Variants in TMEM52B observed in about 807,000 individuals in gnomAD.
TMEM52B encodes the protein chromosome 12 open reading frame 59.
In TMEM52B, 11 loss-of-function variants were observed where a neutral mutation model predicts 16.1. The ratio of observed to expected loss-of-function variants is 0.68; its 90% CI spans 0.43 to 1.13. The LOEUF (loss-of-function observed/expected upper bound fraction) is 1.13, where lower values mean the gene tolerates loss of function less well. Ranked by LOEUF, TMEM52B falls within the 50% of genes most tolerant of loss-of-function variation. The probability of loss-of-function intolerance (pLI) is 0.00; values close to 1 mark genes in which losing one functional copy is unlikely to be tolerated. For missense variants in TMEM52B, 243 were observed against 230.4 expected (o/e 1.05, Z -0.35); for synonymous variants, 101 against 93.8 (o/e 1.08, Z -0.45).
intron 4 of TMEM52B, among the ~76,000 whole-genome samples, chr12:10,187,445 C>T (rs1948894224): frequency 6.6e-6 from 1 of 151,734 alleles, no homozygotes. Context: ...CCTCTGTTGC[C>T]CAGGCTGGAG....
intron 1 of TMEM52B, chr12:10,182,297 T>A (rs1220824148): frequency 2.1e-5 from 21 of 985,146 alleles, no homozygotes; most frequent in Non-Finnish European, 2.5e-5. Flanking sequence ...TACCTCTCAT[T>A]CACAAAGGGT....
At chr12:10,186,675 G>A (rs1565428109) in intron 4 of TMEM52B, 86 bp downstream of exon 4, 15 of 1,308,248 alleles carry the variant, frequency 1.1e-5, no homozygotes, top group African/African-American at 4.4e-5. Context: ...ACCACTGATC[G>A]AGTAATATTA....
chr12:10,171,980 C>G (rs759750426), intron 1 of TMEM52B: 1 of 1,578,046 alleles, frequency 6.3e-7, no homozygotes, highest in Admixed American at 1.7e-5. Flanking sequence ...TTTCCCTGTA[C>G]ACATTTTCCC....
At chr12:10,189,781 T>C in intron 4 of TMEM52B, 115 bp from the exon 5 acceptor site, 1 of 1,416,202 alleles carries the variant, frequency 7.1e-7, no homozygotes, top group South Asian at 1.4e-5. Context: ...GGAGTGACAA[T>C]GAGTTTGGAT....
chr12:10,177,780 A>AATG (rs1338796469), upstream of TMEM52B, among the ~76,000 whole-genome samples: 3 of 72,030 alleles, frequency 4.2e-5, no homozygotes, highest in Non-Finnish European at 7.8e-5. Context: ...TAATAATAAT[A>AATG]ATAATAATAA....
At chr12:10,177,139 G>C (rs1372416472), upstream of TMEM52B, among the ~76,000 whole-genome samples, 1 of 152,078 alleles carries the variant, frequency 6.6e-6, no homozygotes, top group African/African-American at 2.4e-5. Flanking sequence ...TTAGTGGAAG[G>C]CCACCTAAAG....
chr12:10,179,602 G>T lies in TMEM52B; in HGVS notation c.28G>T (p.Ala10Ser). 6.2e-7 allele frequency: 1 copy of T among 1,614,190 alleles called. No homozygotes were observed. The highest frequency in any genetic ancestry group is 8.5e-7 in the Non-Finnish European group (1 of 1,180,024). The change falls in exon 1 of 5, where the codon GCC becomes TCC. Residue 10 changes from alanine (A) to serine (S), a missense_variant. Physicochemically the swap from Ala to Ser is moderately conservative, Grantham distance 99. Coordinates refer to ENST00000543484, the MANE Select transcript of TMEM52B (RefSeq NM_001384896.1). Reference sequence around the variant, plus strand: ...GGGAGTCCGAGTTCATGTCGTGGCGGCCTCAGCCCTGCTGTATTTCATCCT... The same window carrying T: ...GGGAGTCCGAGTTCATGTCGTGGCGTCCTCAGCCCTGCTGTATTTCATCCT... Reference protein sequence around the residue: MGVRVHVVAASALLYFILLS... With the variant: MGVRVHVVASSALLYFILLS...
chr12:10,190,167 G>A lies in TMEM52B; in HGVS notation c.*27G>A, dbSNP rs1230553250. 3.7e-6 allele frequency: 6 copies of A among 1,613,142 alleles called. No homozygotes were observed. Among genetic ancestry groups the A allele is most frequent in the Admixed American group, 3.3e-5 (2 of 59,906 alleles). ...GAGAGCTGTCATTTTATAAATAGGA[G>A]TGGAGTGATGTCCAGAGTCTGTGGG... On this transcript the variant is annotated 3_prime_UTR_variant, in exon 5 of 5. Transcript: ENST00000543484.
In TMEM52B at chr12:10,187,353, G is replaced by A. The variant is rs535880156; in HGVS notation, c.307+764G>A. On this transcript the variant is annotated intron_variant, in intron 4 of 4. Transcript: ENST00000543484. ...CTGACCTTGTGATCCACCTGCCTCC[G>A]CCTCACAAAGGGCTGGGATTACAGG... Among the ~76,000 whole-genome samples, 505 of 151,634 alleles carry A rather than the reference G, an allele frequency of 3.3e-3. 3 individuals carry two copies. Among genetic ancestry groups the A allele is most frequent in the African/African-American group, 0.012 (488 of 41,320 alleles).
At chr12:10,180,240 C>T (rs1012093874) in intron 1 of TMEM52B, among the ~76,000 whole-genome samples, 4 of 149,838 alleles carry the variant, frequency 2.7e-5, no homozygotes, top group South Asian at 4.2e-4. Flanking sequence ...CTCAGATTCC[C>T]GTATGGCCCC....
chr12:10,177,861 G>T (rs895721215), upstream of TMEM52B, among the ~76,000 whole-genome samples: 3 of 150,818 alleles, frequency 2.0e-5, no homozygotes, highest in Admixed American at 1.3e-4. Flanking sequence ...ACCTACTTAA[G>T]TATAAATCAT....
rs1948936520 is a variant in TMEM52B at position 10,189,899 on chromosome 12, T to C, written c.311T>C (p.Leu104Pro). 6.2e-7 allele frequency: 1 copy of C among 1,613,630 alleles called. No individual in the cohort carries two copies. Among genetic ancestry groups the C allele is most frequent in the African/African-American group, 1.3e-5 (1 of 74,922 alleles). The change falls in exon 5 of 5, where the codon CTG (leucine) becomes CCG (proline). Residue 104 changes from leucine to proline, a missense_variant. By Grantham distance (98) the Leu-to-Pro change is moderately conservative. Coordinates refer to ENST00000543484, the MANE Select transcript of TMEM52B (RefSeq NM_001384896.1). ...TCTGTTCCTTCTTTCTTCACAGCTC[T>C]GCAGTCGGTGTTTGGCCCTGCAGCT... ...DSTLQSTITS[L>P]QSVFGPAARR...
At chr12:10,182,360 C>T (rs1161204542) in intron 1 of TMEM52B, 190 bp from the exon 2 acceptor site, 1 of 985,162 alleles carries the variant, frequency 1.0e-6, no homozygotes, top group Non-Finnish European at 1.2e-6. Context: ...TTCAAGGTTC[C>T]CTTACCTCAA....
upstream of TMEM52B, among the ~76,000 whole-genome samples, chr12:10,176,888 A>T (rs1007221852): frequency 6.6e-6 from 1 of 152,236 alleles, no homozygotes; most frequent in African/African-American, 2.4e-5. Flanking sequence ...AAACCCAGGT[A>T]TCCTGGCTAG....
intron 4 of TMEM52B, among the ~76,000 whole-genome samples, chr12:10,187,971 C>A (rs757631710): frequency 6.6e-6 from 1 of 151,976 alleles, no homozygotes; most frequent in Non-Finnish European, 1.5e-5. Context: ...TGGTGGCACA[C>A]ACCTGCAATC....
Position 10,179,296 on chromosome 12 carries a change from GGAAA to G in TMEM52B, c.-271_-268del, listed in dbSNP as rs576275102. 77 of 438,744 alleles carry G rather than the reference GGAAA, an allele frequency of 1.8e-4. No individual in the cohort carries two copies. The highest frequency in any genetic ancestry group is 1.5e-3 in the African/African-American group (75 of 50,892). 27.2% of individuals were successfully genotyped at this position (438,744 alleles called of 1,614,324 possible). A position where few individuals can be genotyped will look rare whatever the true frequency, so the allele number is the denominator to read the frequency against. ...ATGTAGAAAGAATTAATAGTGTAAC[GGAAA>G]GAAAGAAGGCAAAAGGAAGTAAATG... On this transcript the variant is annotated 5_prime_UTR_variant, in exon 1 of 5. Coordinates refer to ENST00000543484, the MANE Select transcript of TMEM52B (RefSeq NM_001384896.1).
chr12:10,179,287 T>C lies in TMEM52B; in HGVS notation c.-288T>C. On this transcript the variant is annotated 5_prime_UTR_variant, in exon 1 of 5. Coordinates refer to ENST00000543484, the MANE Select transcript of TMEM52B (RefSeq NM_001384896.1). ...AACTTCAAGATGTAGAAAGAATTAA[T>C]AGTGTAACGGAAAGAAAGAAGGCAA... The C allele has an allele frequency of 7.2e-6, 3 of 415,354 alleles. No homozygotes were observed. The highest frequency in any genetic ancestry group is 1.3e-5 in the Non-Finnish European group (3 of 224,994). 25.7% of individuals were successfully genotyped at this position (415,354 alleles called of 1,614,324 possible).
Position 10,188,025 on chromosome 12 carries a change from G to A in TMEM52B, c.307+1436G>A, listed in dbSNP as rs573895461. 1.9e-3 allele frequency among the ~76,000 whole-genome samples: 288 copies of A among 152,258 alleles called. 1 individual carries two copies. Among genetic ancestry groups the A allele is most frequent in the African/African-American group, 6.8e-3 (281 of 41,550 alleles). On this transcript the variant is annotated intron_variant, in intron 4 of 4. Coordinates refer to ENST00000543484, the MANE Select transcript of TMEM52B (RefSeq NM_001384896.1). ...GAGGCGTGACACTCGCTTGAACCCGGGAGGCAAAGGTTGAAGTGAGCCGAG... is the reference window on the plus strand; with the variant it reads ...GAGGCGTGACACTCGCTTGAACCCGAGAGGCAAAGGTTGAAGTGAGCCGAG...
chr12:10,181,130 A>C (rs930613324), intron 1 of TMEM52B, among the ~76,000 whole-genome samples: 28 of 152,190 alleles, frequency 1.8e-4, no homozygotes, highest in Admixed American at 4.6e-4. Context: ...TGAAAGAGGA[A>C]GTCAACTAAA....
Sources: allele counts gnomAD v4.1 joint callset (sites outside exome capture counted in the v4.1 genomes callset), GRCh38; gene constraint gnomAD v4.1.1; transcripts MANE v1.5; gene names NCBI Gene and HGNC (gene_info 2026-07-23, HGNC 2026-07-21).